Variants in PSD observed in about 807,000 individuals in gnomAD.
PSD encodes the protein pleckstrin and Sec7 domain containing.
A neutral mutation model predicts 91.6 loss-of-function variants in PSD; 32 were observed. The ratio of observed to expected loss-of-function variants is 0.35; its 90% CI spans 0.26 to 0.47. PSD has a LOEUF of 0.47. PSD is among the 20% of genes least tolerant of loss of function. The pLI is 1.00. For missense variants in PSD, 1,099 were observed against 1,373.9 expected, an observed-to-expected ratio of 0.80 and a Z score of 3.16; for synonymous variants, 532 against 569.3, an observed-to-expected ratio of 0.93 and a Z score of 0.93.
Position 102,412,442 on chromosome 10 carries a change from T to C in PSD, c.1687A>G (p.Lys563Glu). 6.2e-7 allele frequency: 1 copy of C among 1,614,192 alleles called. No individual in the cohort carries two copies. Among genetic ancestry groups the C allele is most frequent in the Non-Finnish European group, 8.5e-7 (1 of 1,180,038 alleles). Reference sequence around the variant, plus strand: ...AAGCCATCTAGTCGGTACAGCCTCTTGGCCAGGCGCTGCGCAGCCTCCAGG... The same window carrying C: ...AAGCCATCTAGTCGGTACAGCCTCTCGGCCAGGCGCTGCGCAGCCTCCAGG... ...ADLEAAQRLAKRLYRLDGFRK... is the reference protein window; with the variant it reads ...ADLEAAQRLAERLYRLDGFRK... The change falls in exon 6 of 17, where the codon AAG (lysine) becomes GAG (glutamate). Residue 563 changes from lysine to glutamate, a missense_variant. By Grantham distance (56) the Lys-to-Glu change is moderately conservative (BLOSUM62 1). Around this residue, in one of 3 missense-constraint regions of PSD, gnomAD observed 110 missense variants for 218.7 expected, o/e 0.50. Coordinates refer to ENST00000020673, the MANE Select transcript of PSD (RefSeq NM_002779.5).
intron 10 of PSD, 52 bp from the exon 11 acceptor site, chr10:102,407,318 C>CA (rs1310918950): frequency 7.8e-7 from 1 of 1,279,822 alleles, no homozygotes; most frequent in Non-Finnish European, 1.1e-6. Flanking sequence ...ACCGCAGTGT[C>CA]AGAGCTTAGA....
intron 3 of PSD, 45 bp downstream of exon 3, chr10:102,415,972 G>A (rs762995426): frequency 1.2e-5 from 17 of 1,473,718 alleles, no homozygotes; most frequent in Non-Finnish European, 1.6e-5. Context: ...AGCTGCTGTG[G>A]GGAAGGCCCT....
At chr10:102,408,461 C>T (rs953977294) in intron 10 of PSD, among the ~76,000 whole-genome samples, 5 of 152,146 alleles carry the variant, frequency 3.3e-5, no homozygotes, top group African/African-American at 4.8e-5. Context: ...ACACATAGAC[C>T]TTCCAGCACA....
chr10:102,418,052 CACACACAA>C (rs750195846), intron 1 of PSD, among the ~76,000 whole-genome samples: 26 of 38,578 alleles, frequency 6.7e-4, no homozygotes, highest in Middle Eastern at 0.012. Flanking sequence ...GGCACCTACA[CACACACAA>C]ACACACACAC....
At position 102,410,926 on chromosome 10, in the gene PSD, A is replaced by T; in HGVS notation, c.2023T>A (p.Cys675Ser). 6.2e-7 allele frequency: 1 copy of T among 1,613,824 alleles called. No individual in the cohort carries two copies. Among genetic ancestry groups the T allele is most frequent in the South Asian group, 1.1e-5 (1 of 91,082 alleles). ...HGHNIGKRMT[C>S]GDFIGNLEGL... ...TCCAGGTTCCCGATGAAGTCCCCGC[A>T]GGTCATGCGCTTCCCGATGTTCTAA... is the stretch of plus-strand genomic sequence containing the variant. The change falls in exon 10 of 17, where the codon TGC becomes AGC. Residue 675 changes from cysteine (C) to serine (S), a missense_variant. Coordinates refer to ENST00000020673, the MANE Select transcript of PSD (RefSeq NM_002779.5). The surrounding 1 kb of genome is among the most constrained non-coding windows in gnomAD (Gnocchi z 6.0).
chr10:102,411,153 C>T, intron 8 of PSD, 37 bp from the exon 9 acceptor site: 1 of 1,568,218 alleles, frequency 6.4e-7, no homozygotes, highest in Non-Finnish European at 8.7e-7. Flanking sequence ...GGCTGCCTCC[C>T]AGGGACCCTT....
rs569118125 is a variant in PSD, at chr10:102,416,282, G to T, written c.654+103C>A. On this transcript the variant is annotated intron_variant, in intron 2 of 16. Transcript: ENST00000020673. The surrounding 1 kb of genome is among the most constrained non-coding windows in gnomAD (Gnocchi z 6.0). ...GCAAGAGAGAGGCAGATTTAGAACA[G>T]ATTAAAGGATTCAGAGTGAACAGCA... 13 of 1,396,386 alleles carry T rather than the reference G, an allele frequency of 9.3e-6. No individual in the cohort carries two copies. The Admixed American group carries it at 1.9e-4, about 20-fold the overall frequency. The allele number at this position is 1,396,386 out of a possible 1,614,324, so 86.5% of individuals were successfully genotyped here. A position where few individuals can be genotyped will look rare whatever the true frequency, so the allele number is the denominator to read the frequency against.
chr10:102,415,202 G>T lies in PSD; in HGVS notation c.785C>A (p.Pro262Gln), dbSNP rs571611854. The part of the protein sequence containing the change: ...SGAKPPEQAP[P>Q]SPPGVGSRQG... ...CCTTGAGCCCACCCCAGGTGGAGAT[G>T]GGGGGGCCTGCTCTGGGGGCTTAGC... Residue 262 changes from proline to glutamine, a missense_variant, in exon 4 of 17, where the codon CCA becomes CAA. This residue lies in a region of PSD where 631 missense variants were observed against 728.8 expected (regional missense o/e 0.87). Coordinates refer to ENST00000020673, the MANE Select transcript of PSD (RefSeq NM_002779.5). 2.5e-6 allele frequency: 4 copies of T among 1,610,892 alleles called. No homozygotes were observed. Among genetic ancestry groups the T allele is most frequent in the Admixed American group, 1.7e-5 (1 of 59,966 alleles).
In PSD at chr10:102,416,528, G is replaced by C. The variant is rs1278203175; in HGVS notation, c.511C>G (p.Arg171Gly). The C allele has an allele frequency of 6.2e-7, 1 of 1,611,094 alleles. No homozygotes were observed. The highest frequency in any genetic ancestry group is 1.3e-5 in the African/African-American group (1 of 74,842). ...GCTGGCGGCCCATGTACAAGGTTCCGGCTGCCAGGTAGGGCCGAGCCTCCT... is the reference window on the plus strand; with the variant it reads ...GCTGGCGGCCCATGTACAAGGTTCCCGCTGCCAGGTAGGGCCGAGCCTCCT... The part of the protein sequence containing the change: ...ARGGSALPGS[R>G]NLVHGPPAPP... The change falls in exon 2 of 17, where the codon CGG becomes GGG. Residue 171 changes from arginine to glycine, a missense_variant. By Grantham distance (125) the Arg-to-Gly change is moderately radical (BLOSUM62 -2). Coordinates refer to ENST00000020673, the MANE Select transcript of PSD (RefSeq NM_002779.5). The surrounding 1 kb of genome is among the most constrained non-coding windows in gnomAD (Gnocchi z 6.0).
Position 102,403,380 on chromosome 10 carries a change from T to C in PSD, c.2895A>G (p.Ala965=), listed in dbSNP as rs1364799442. ...YAALLRVKLK[A]GSEELDAVEA... is the part of the protein sequence containing the mutation. ...CCACTGCATCCAGCTCCTCACTGCC[T>C]GCCTTCAGCTTGACCCGAAGCAGCG... is the stretch of plus-strand genomic sequence containing the variant. Residue 965 remains alanine (A), a synonymous_variant, in exon 17 of 17, where the codon GCA becomes GCG. Coordinates refer to ENST00000020673, the MANE Select transcript of PSD (RefSeq NM_002779.5). This position sits in a 1 kb window ranked among gnomAD's most constrained non-coding sequence, Gnocchi z 6.7. The C allele has an allele frequency of 6.2e-7, 1 of 1,613,686 alleles. No individual in the cohort carries two copies. Among genetic ancestry groups the C allele is most frequent in the Non-Finnish European group, 8.5e-7 (1 of 1,180,004 alleles).
intron 3 of PSD, among the ~76,000 whole-genome samples, chr10:102,415,547 A>T (rs1332045329): frequency 1.3e-5 from 2 of 152,062 alleles, no homozygotes; most frequent in Admixed American, 1.3e-4. Context: ...ATCATAACTC[A>T]CTGCAGCCTT....
chr10:102,402,965 C>A lies in PSD; in HGVS notation c.*235G>T. ...GGGCGCTAGCCCCTCCCGCCCCCGC[C>A]CACCCTGTACGAAAAAGTGCAAAAC... On this transcript the variant is annotated 3_prime_UTR_variant, in exon 17 of 17. Coordinates refer to ENST00000020673, the MANE Select transcript of PSD (RefSeq NM_002779.5). 1 of 187,668 alleles carries A rather than the reference C, an allele frequency of 5.3e-6. No homozygotes were observed. Among genetic ancestry groups the A allele is most frequent in the East Asian group, 1.3e-4 (1 of 7,686 alleles). The allele number at this position is 187,668 out of a possible 1,614,324, so 11.6% of individuals were successfully genotyped here.
Position 102,404,969 on chromosome 10 carries a change from A to C in PSD, c.2484T>G (p.Ser828Arg). The change falls in exon 14 of 17, where the codon AGT (serine) becomes AGG (arginine). Residue 828 changes from serine to arginine, a missense_variant. Physicochemically the swap from Ser to Arg is moderately radical, Grantham distance 110. This residue lies in a region of PSD where 358 missense variants were observed against 426.5 expected (regional missense o/e 0.84). Coordinates refer to ENST00000020673, the MANE Select transcript of PSD (RefSeq NM_002779.5). The surrounding 1 kb of genome is among the most constrained non-coding windows in gnomAD (Gnocchi z 5.7). ...SIHHALATRA[S>R]DYSKRPHVFY... ...AGACGTGGGGCCTCTTGCTGTAGTC[A>C]CTGGCACGAGTGGCCAGGGCATGGT... 6.2e-7 allele frequency: 1 copy of C among 1,614,060 alleles called. No individual in the cohort carries two copies. The highest frequency in any genetic ancestry group is 8.5e-7 in the Non-Finnish European group (1 of 1,179,978).
In PSD at chr10:102,405,368, G is replaced by A. The variant is rs754005971; in HGVS notation, c.2304C>T (p.His768=). 6.2e-6 allele frequency: 10 copies of A among 1,612,802 alleles called. No individual in the cohort carries two copies. The highest frequency in any genetic ancestry group is 1.3e-5 in the African/African-American group (1 of 74,908). The part of the protein sequence containing the change: ...YKHGALVRKV[H]ADPDCRKTPR... ...TACTCTTCCTGCAGTCAGGGTCTGC[G>A]TGCACCTTTCGCACCAGGGCCCCGT... The change falls in exon 12 of 17, where the codon CAC becomes CAT. Residue 768 remains histidine, a synonymous_variant. Coordinates refer to ENST00000020673, the MANE Select transcript of PSD (RefSeq NM_002779.5). This position sits in a 1 kb window ranked among gnomAD's most constrained non-coding sequence, Gnocchi z 5.4.
Position 102,410,792 on chromosome 10 carries a change from A to C in PSD, c.2091+66T>G. 6 of 1,039,220 alleles carry C rather than the reference A, an allele frequency of 5.8e-6. No homozygotes were observed. Among genetic ancestry groups the C allele is most frequent in the Non-Finnish European group, 8.9e-6 (6 of 671,086 alleles). The allele number at this position is 1,039,220 out of a possible 1,614,324, so 64.4% of individuals were successfully genotyped here. A position where few individuals can be genotyped will look rare whatever the true frequency, so the allele number is the denominator to read the frequency against. On this transcript the variant is annotated intron_variant, in intron 10 of 16. Transcript: ENST00000020673. The surrounding 1 kb of genome is among the most constrained non-coding windows in gnomAD (Gnocchi z 6.0). The stretch of plus-strand genomic sequence containing the variant: ...AGCCCTGCCCTCCCTCCGACTCTGG[A>C]CTCCGTCGCCGACTGGGTCCTCCAT...
chr10:102,414,244 C>A lies in PSD; in HGVS notation c.1125-47G>T. On this transcript the variant is annotated intron_variant, in intron 4 of 16. Transcript: ENST00000020673. This position sits in a 1 kb window ranked among gnomAD's most constrained non-coding sequence, Gnocchi z 5.6. ...CTGATTAGGGGCCCAGATCACAGGG[C>A]TGGGGCAGGATTTCACTGAACTCTC... 1 of 1,510,692 alleles carries A rather than the reference C, an allele frequency of 6.6e-7. No individual in the cohort carries two copies. The highest frequency in any genetic ancestry group is 9.0e-7 in the Non-Finnish European group (1 of 1,113,744). 93.6% of individuals were successfully genotyped at this position (1,510,692 alleles called of 1,614,324 possible). A position where few individuals can be genotyped will look rare whatever the true frequency, so the allele number is the denominator to read the frequency against.
In PSD at chr10:102,415,105, C is replaced by T. The variant is rs773248920; in HGVS notation, c.882G>A (p.Arg294=). ...SETDLDTVPL[R]CYRETDIDEV... ...CATCGATGTCAGTCTCGCGGTAGCA[C>T]CTCAGGGGCACCGTGTCCAGGTCTG... Residue 294 remains arginine, a synonymous_variant, in exon 4 of 17, where the codon AGG becomes AGA. Coordinates refer to ENST00000020673, the MANE Select transcript of PSD (RefSeq NM_002779.5). 6.2e-7 allele frequency: 1 copy of T among 1,613,934 alleles called. No homozygotes were observed. The highest frequency in any genetic ancestry group is 8.5e-7 in the Non-Finnish European group (1 of 1,180,032).
chr10:102,404,828 A>G lies in PSD; in HGVS notation c.2555+70T>C. 1.9e-6 allele frequency: 3 copies of G among 1,577,080 alleles called. No individual in the cohort carries two copies. The highest frequency in any genetic ancestry group is 2.6e-6 in the Non-Finnish European group (3 of 1,159,690). The stretch of plus-strand genomic sequence containing the variant: ...GGCCTGAGAAGGAATGAAAAAATCC[A>G]GGGACAGGGAGGGGAGCAGGATGGG... On this transcript the variant is annotated intron_variant, in intron 14 of 16. Transcript: ENST00000020673. This position sits in a 1 kb window ranked among gnomAD's most constrained non-coding sequence, Gnocchi z 5.7.
rs766147834 is a variant in PSD at position 102,416,523 on chromosome 10, G to A, written c.516C>T (p.Asn172=). 6 of 1,611,748 alleles carry A rather than the reference G, an allele frequency of 3.7e-6. No homozygotes were observed. The highest frequency in any genetic ancestry group is 5.1e-6 in the Non-Finnish European group (6 of 1,179,046). The stretch of plus-strand genomic sequence containing the variant: ...GTGGGGCTGGCGGCCCATGTACAAG[G>A]TTCCGGCTGCCAGGTAGGGCCGAGC... ...RGGSALPGSR[N]LVHGPPAPPQ... Residue 172 remains asparagine, a synonymous_variant, in exon 2 of 17, where the codon AAC becomes AAT. Coordinates refer to ENST00000020673, the MANE Select transcript of PSD (RefSeq NM_002779.5). The surrounding 1 kb of genome is among the most constrained non-coding windows in gnomAD (Gnocchi z 6.0).
Sources: allele counts gnomAD v4.1 joint callset (sites outside exome capture counted in the v4.1 genomes callset), GRCh38; gene constraint gnomAD v4.1.1; regional missense constraint gnomAD v4.1.1; non-coding constraint Gnocchi (gnomAD v3.1); transcripts MANE v1.5; gene names NCBI Gene and HGNC (gene_info 2026-07-23, HGNC 2026-07-21).